Variants in CASK observed in about 807,000 individuals in gnomAD.
The protein encoded by CASK is peripheral plasma membrane protein CASK.
Under a neutral mutation model 82.9 loss-of-function variants are expected in CASK, and 4 were observed. That is an observed-to-expected ratio of 0.05 (90% CI 0.02 to 0.11). CASK has a LOEUF of 0.11. Among genes scored for constraint, CASK ranks in the 10% least tolerant of loss-of-function variants. The probability of loss-of-function intolerance (pLI) is 1.00; values close to 1 mark genes in which losing one functional copy is unlikely to be tolerated. For synonymous variants in CASK, 259 were observed against 253.5 expected, an observed-to-expected ratio of 1.02 and a Z score of -0.20; for missense variants, 358 against 720.9, an observed-to-expected ratio of 0.50 and a Z score of 5.76.
At chrX:41,894,759 T>A (rs1274681194) in intron 1 of CASK, among the ~76,000 whole-genome samples, 2 of 110,875 alleles carry the variant, frequency 1.8e-5, no homozygotes, top group Non-Finnish European at 3.8e-5. Flanking sequence ...TAGATAAAAG[T>A]GGGGGCAGGG....
At chrX:41,680,249 C>T (rs2067328669) in intron 5 of CASK, among the ~76,000 whole-genome samples, 1 of 108,860 alleles carries the variant, frequency 9.2e-6, no homozygotes, top group Non-Finnish European at 1.9e-5. Flanking sequence ...TTTGGGAAGC[C>T]GAGGTGGGCG....
Position 41,578,331 on chromosome X carries a change from C to T in CASK, c.1503+9G>A. 8.4e-7 allele frequency: 1 copy of T among 1,187,837 alleles called. No individual in the cohort carries two copies. Among genetic ancestry groups the T allele is most frequent in the South Asian group, 1.8e-5 (1 of 56,202 alleles). ...ATGAGAGTATTGAAAACTTTCTCTT[C>T]CTACTTACCATTGGTTCATCTGTGT... On this transcript the variant is annotated intron_variant, in intron 15 of 26. Transcript: ENST00000378163.
At chrX:41,894,447 C>T (rs1047184369) in intron 1 of CASK, among the ~76,000 whole-genome samples, 4 of 110,427 alleles carry the variant, frequency 3.6e-5, no homozygotes, top group Admixed American at 9.6e-5. Flanking sequence ...AAAATTTCAA[C>T]GAGTAATCCA....
At chrX:41,612,761 T>C (rs1417532487) in intron 11 of CASK, among the ~76,000 whole-genome samples, 1 of 48,652 alleles carries the variant, frequency 2.1e-5, no homozygotes, top group Non-Finnish European at 3.8e-5. Context: ...TGGGGGGGGG[T>C]CAACCCCCCG....
chrX:41,762,402 G>A (rs944876590), intron 3 of CASK, among the ~76,000 whole-genome samples: 1 of 111,521 alleles, frequency 9.0e-6, no homozygotes, highest in Admixed American at 9.5e-5. Flanking sequence ...AACTCTTATT[G>A]CTAGCCTAGG....
intron 11 of CASK, among the ~76,000 whole-genome samples, chrX:41,613,455 C>G (rs1168298918): frequency 2.0e-4 from 19 of 93,426 alleles, no homozygotes; most frequent in Non-Finnish European, 3.8e-4. Flanking sequence ...AGAGTCATCA[C>G]CACTCCCTAA....
At position 41,735,566 on chromosome X, in the gene CASK, A is replaced by ATT. The variant is rs763684706; in HGVS notation, c.429+3816_429+3817dup. On this transcript the variant is annotated intron_variant, in intron 5 of 26. Coordinates refer to ENST00000378163, the MANE Select transcript of CASK (RefSeq NM_001367721.1). ...CCAAAATATATCAGGAATCTAACTA[A>ATT]TTTTTTTTTTTTTTTTACTACCTCC... Among the ~76,000 whole-genome samples, 332 of 101,642 alleles carry ATT rather than the reference A, an allele frequency of 3.3e-3. 3 individuals are homozygous for ATT. Among genetic ancestry groups the ATT allele is most frequent in the African/African-American group, 0.011 (309 of 28,027 alleles). 88.3% of individuals were successfully genotyped at this position (101,642 alleles called of 115,157 possible). A position where few individuals can be genotyped will look rare whatever the true frequency, so the allele number is the denominator to read the frequency against.
intron 5 of CASK, among the ~76,000 whole-genome samples, chrX:41,706,921 A>G (rs1233193692): frequency 8.9e-6 from 1 of 112,237 alleles, no homozygotes; most frequent in Non-Finnish European, 1.9e-5. Flanking sequence ...TCACAAAGCA[A>G]AATTTCCTTT....
At chrX:41,920,606 C>A (rs2072765505) in intron 1 of CASK, among the ~76,000 whole-genome samples, 1 of 111,691 alleles carries the variant, frequency 9.0e-6, no homozygotes, top group Non-Finnish European at 1.9e-5. Context: ...AGCTTGCTGC[C>A]CCTCTTTATG....
intron 5 of CASK, among the ~76,000 whole-genome samples, chrX:41,712,344 T>G (rs1259303396): frequency 8.9e-6 from 1 of 112,408 alleles, no homozygotes; most frequent in Non-Finnish European, 1.9e-5. Context: ...TTATCTCTAA[T>G]AGCTAAATGA....
intron 5 of CASK, among the ~76,000 whole-genome samples, chrX:41,682,610 ATT>A (rs139247193): frequency 4.2e-5 from 4 of 95,997 alleles, no homozygotes; most frequent in African/African-American, 3.8e-5. Context: ...AGTTTGATAA[ATT>A]TTTTTTTTTT....
Position 41,702,254 on chromosome X carries a change from G to A in CASK, c.430-30724C>T, listed in dbSNP as rs1048566320. Among the ~76,000 whole-genome samples, 42 of 108,740 alleles carry A rather than the reference G, an allele frequency of 3.9e-4. No homozygotes were observed. In the East Asian group the frequency reaches 5.3e-3, roughly 14 times the overall value. 94.4% of individuals were successfully genotyped at this position (108,740 alleles called of 115,157 possible). On this transcript the variant is annotated intron_variant, in intron 5 of 26. Coordinates refer to ENST00000378163, the MANE Select transcript of CASK (RefSeq NM_001367721.1). ...TACAAAATTAGCCAGGCGTGGTGGC[G>A]CATGCCTGTAATCCCAGCTACTCGG... is the stretch of plus-strand genomic sequence containing the variant.
At chrX:41,669,969 C>T (rs965982284) in intron 6 of CASK, among the ~76,000 whole-genome samples, 5 of 111,772 alleles carry the variant, frequency 4.5e-5, no homozygotes, top group African/African-American at 9.8e-5. Flanking sequence ...GGTTATCATA[C>T]GGAAGGATGA....
At chrX:41,621,947 C>T (rs1392808226) in intron 11 of CASK, among the ~76,000 whole-genome samples, 1 of 111,624 alleles carries the variant, frequency 9.0e-6, no homozygotes, top group Non-Finnish European at 1.9e-5. Context: ...TTTTACAAAA[C>T]GATAGTATAT....
chrX:41,572,333 T>TA (rs1175492976), intron 15 of CASK, among the ~76,000 whole-genome samples: 1 of 111,645 alleles, frequency 9.0e-6, no homozygotes, highest in East Asian at 2.8e-4. Flanking sequence ...CAGTCTGGTA[T>TA]AAATATATAT....
intron 3 of CASK, among the ~76,000 whole-genome samples, chrX:41,752,767 T>C (rs1197639718): frequency 1.8e-5 from 2 of 112,117 alleles, no homozygotes; most frequent in Admixed American, 9.5e-5. Flanking sequence ...TGATCCATGT[T>C]ACATACACAA....
chrX:41,852,005 T>A (rs2071275468), intron 2 of CASK, among the ~76,000 whole-genome samples: 1 of 111,420 alleles, frequency 9.0e-6, no homozygotes. Flanking sequence ...ATAATTTATA[T>A]TCAAAAGCAA....
chrX:41,892,445 G>T (rs1382569119), intron 1 of CASK, among the ~76,000 whole-genome samples: 1 of 110,125 alleles, frequency 9.1e-6, no homozygotes, highest in Non-Finnish European at 1.9e-5. Flanking sequence ...TGGTTCTCCT[G>T]CCTCAGCCTC....
chrX:41,756,777 G>A (rs1346940902), intron 3 of CASK, among the ~76,000 whole-genome samples: 1 of 112,127 alleles, frequency 8.9e-6, no homozygotes, highest in African/African-American at 3.2e-5. Context: ...AACAGCAAAA[G>A]TTAAGTAACT....
Sources: gnomAD v4.1 joint callset for allele counts (sites outside exome capture counted in the v4.1 genomes callset) on GRCh38, gnomAD v4.1.1 for gene constraint, MANE v1.5 for transcripts, NCBI Gene and HGNC (gene_info 2026-07-23, HGNC 2026-07-21) for gene names.